Variants in PKHD1L1 observed in about 807,000 individuals in gnomAD.
PKHD1L1 encodes the protein PKHD1 like 1.
Under a neutral mutation model 462.9 loss-of-function variants are expected in PKHD1L1, and 434 were observed. The ratio of observed to expected loss-of-function variants is 0.94; its 90% CI spans 0.87 to 1.02. PKHD1L1 has a LOEUF of 1.02. PKHD1L1 is among the 50% of genes least tolerant of loss of function. PKHD1L1 has a pLI of 0.00. For missense variants in PKHD1L1, 5,202 were observed against 5,096.1 expected, an observed-to-expected ratio of 1.02 and a Z score of -0.63; for synonymous variants, 1,781 against 1,750.0, an observed-to-expected ratio of 1.02 and a Z score of -0.44.
chr8:109,443,630 T>G, intron 36 of PKHD1L1, 46 bp from the exon 37 acceptor site: 1 of 1,394,362 alleles, frequency 7.2e-7, no homozygotes, highest in Non-Finnish European at 9.8e-7. Context: ...CAGTTATCAT[T>G]TTGGAATGTT....
At chr8:109,381,870 A>G (rs543668715) in intron 3 of PKHD1L1, among the ~76,000 whole-genome samples, 2 of 152,306 alleles carry the variant, frequency 1.3e-5, no homozygotes, top group South Asian at 4.1e-4. Context: ...ATATTCATAT[A>G]GTCATTAAGA....
At chr8:109,435,816 G>GT (rs1011078815) in intron 29 of PKHD1L1, among the ~76,000 whole-genome samples, 31 of 151,538 alleles carry the variant, frequency 2.0e-4, no homozygotes, top group South Asian at 1.9e-3. Flanking sequence ...ACATTTGTTT[G>GT]TTTTTTTTAC....
intron 51 of PKHD1L1, 80 bp downstream of exon 51, chr8:109,475,349 T>C (rs543756009): frequency 1.8e-6 from 2 of 1,142,342 alleles, no homozygotes; most frequent in Admixed American, 2.9e-5. Flanking sequence ...CTCACAGACA[T>C]TGTCAGGCCA....
chr8:109,508,486 AAAG>A (rs1226750964), intron 70 of PKHD1L1, among the ~76,000 whole-genome samples: 2 of 152,090 alleles, frequency 1.3e-5, no homozygotes, highest in African/African-American at 4.8e-5. Context: ...ATTAAAATAA[AAAG>A]AAGGAGGGGA....
In PKHD1L1 at chr8:109,465,160, C is replaced by T. The variant is rs376156063; in HGVS notation, c.8328C>T (p.Asp2776=). 2.6e-5 allele frequency: 42 copies of T among 1,613,530 alleles called. No individual in the cohort carries two copies. The highest frequency in any genetic ancestry group is 3.3e-5 in the South Asian group (3 of 91,066). Reference sequence around the variant, plus strand: ...GGGGTTGGAGTGCAAAGTTTGTTGACGTCCAGTATTCTCACACACCGAACA... The same window carrying T: ...GGGGTTGGAGTGCAAAGTTTGTTGATGTCCAGTATTCTCACACACCGAACA... ...RCGGWSAKFV[D]VQYSHTPNKA... The change falls in exon 49 of 78, where the codon GAC becomes GAT. Residue 2776 remains aspartate, a synonymous_variant. Transcript: ENST00000378402.
chr8:109,452,994 T>A, intron 43 of PKHD1L1, 120 bp downstream of exon 43: 1 of 826,118 alleles, frequency 1.2e-6, no homozygotes, highest in Non-Finnish European at 1.7e-6. Flanking sequence ...ATATACAGTG[T>A]AGTCCTGGGC....
At chr8:109,493,207 A>G (rs1818918982) in intron 62 of PKHD1L1, among the ~76,000 whole-genome samples, 1 of 148,518 alleles carries the variant, frequency 6.7e-6, no homozygotes, top group Admixed American at 6.8e-5. Flanking sequence ...TATTCTATAT[A>G]TGCATACTTT....
In PKHD1L1 at chr8:109,507,787, T is replaced by C; in HGVS notation, c.11119T>C (p.Trp3707Arg). 2 of 1,613,352 alleles carry C rather than the reference T, an allele frequency of 1.2e-6. No homozygotes were observed. The highest frequency in any genetic ancestry group is 2.2e-5 in the East Asian group (1 of 44,836). ...GSVIPQAEYE[W>R]DGNSQVGIGD... ...TGTGATACCTCAAGCAGAATATGAA[T>C]GGGACGGAAACAGCCAAGTAGGAAT... is the stretch of plus-strand genomic sequence containing the variant. The change falls in exon 69 of 78, where the codon TGG (tryptophan) becomes CGG (arginine). Residue 3707 changes from tryptophan (W) to arginine (R), a missense_variant. Coordinates refer to ENST00000378402, the MANE Select transcript of PKHD1L1 (RefSeq NM_177531.6).
chr8:109,384,382 A>T (rs1190009692), intron 5 of PKHD1L1, among the ~76,000 whole-genome samples: 2 of 152,062 alleles, frequency 1.3e-5, no homozygotes, highest in African/African-American at 2.4e-5. Flanking sequence ...CTAAAAAATA[A>T]AAATAAATAA....
At position 109,498,096 on chromosome 8, in the gene PKHD1L1, T is replaced by C. The variant is rs1416439852; in HGVS notation, c.10600-366T>C. On this transcript the variant is annotated intron_variant, in intron 65 of 77. Coordinates refer to ENST00000378402, the MANE Select transcript of PKHD1L1 (RefSeq NM_177531.6). ...TTCATTATCATGTTTTCTTTTTTTT[T>C]TTTTTTTTTTTTTTTTGAGACGGAG... 4.6e-5 allele frequency among the ~76,000 whole-genome samples: 2 copies of C among 43,110 alleles called. 1 individual carries two copies. Among genetic ancestry groups the C allele is most frequent in the East Asian group, 9.6e-4 (2 of 2,082 alleles). 28.3% of individuals were successfully genotyped at this position (43,110 alleles called of 152,430 possible).
intron 38 of PKHD1L1, among the ~76,000 whole-genome samples, chr8:109,445,851 T>G (rs1816109456): frequency 6.6e-6 from 1 of 152,204 alleles, no homozygotes; most frequent in African/African-American, 2.4e-5. Context: ...TTAGCCAAAT[T>G]TCAACTTCTA....
At chr8:109,463,840 C>CATA (rs1413215456) in intron 48 of PKHD1L1, among the ~76,000 whole-genome samples, 1 of 152,158 alleles carries the variant, frequency 6.6e-6, no homozygotes, top group Non-Finnish European at 1.5e-5. Context: ...CAACACCTGG[C>CATA]ACACATAAAA....
chr8:109,430,497 G>GT (rs1815037556), intron 27 of PKHD1L1, among the ~76,000 whole-genome samples: 1 of 152,020 alleles, frequency 6.6e-6, no homozygotes, highest in South Asian at 2.1e-4. Flanking sequence ...AGATTTGAGA[G>GT]TAAGAGATAT....
chr8:109,395,950 T>C, intron 10 of PKHD1L1, 77 bp from the exon 11 acceptor site: 3 of 985,062 alleles, frequency 3.0e-6, no homozygotes, highest in South Asian at 1.4e-5. Context: ...CTAGGTAATT[T>C]GGAATTTTTA....
intron 12 of PKHD1L1, among the ~76,000 whole-genome samples, chr8:109,398,976 G>A (rs1366277850): frequency 6.6e-6 from 1 of 152,088 alleles, no homozygotes; most frequent in Non-Finnish European, 1.5e-5. Context: ...TGAGAGAAAT[G>A]TTACTCTAAA....
chr8:109,363,576 C>G (rs1198590456), intron 1 of PKHD1L1, among the ~76,000 whole-genome samples: 1 of 152,050 alleles, frequency 6.6e-6, no homozygotes, highest in East Asian at 1.9e-4. Flanking sequence ...GTGAAAATTT[C>G]TTTTAGGATT....
intron 63 of PKHD1L1, among the ~76,000 whole-genome samples, chr8:109,495,850 T>G (rs1284263816): frequency 6.6e-6 from 1 of 152,120 alleles, no homozygotes; most frequent in Admixed American, 6.5e-5. Context: ...AATCCTCCAA[T>G]TCATGCCTGT....
chr8:109,466,857 T>C, intron 50 of PKHD1L1, 88 bp downstream of exon 50: 1 of 1,233,516 alleles, frequency 8.1e-7, no homozygotes. Context: ...TACTTGGTTG[T>C]TCAAACATTG....
chr8:109,381,302 G>A, intron 2 of PKHD1L1, 68 bp from the exon 3 acceptor site: 1 of 1,290,120 alleles, frequency 7.8e-7, no homozygotes, highest in Non-Finnish European at 1.1e-6. Flanking sequence ...TTTGATACTA[G>A]GTGACAAATG....
Sources: gnomAD v4.1 joint callset for allele counts (sites outside exome capture counted in the v4.1 genomes callset) on GRCh38, gnomAD v4.1.1 for gene constraint, MANE v1.5 for transcripts, NCBI Gene and HGNC (gene_info 2026-07-23, HGNC 2026-07-21) for gene names.